The following RAB27B variants were observed in gnomAD, a reference collection of about 807,000 sequenced individuals.
RAB27B encodes ras-related protein Rab-27B.
In RAB27B, 15 loss-of-function variants were observed where a neutral mutation model predicts 24.6. The ratio of observed to expected loss-of-function variants is 0.61; its 90% CI spans 0.41 to 0.94. RAB27B has a LOEUF of 0.94. Ranked by LOEUF, RAB27B falls within the 40% of genes least tolerant of loss-of-function variation. The probability of loss-of-function intolerance (pLI) is 0.00; values close to 1 mark genes in which losing one functional copy is unlikely to be tolerated. For synonymous variants in RAB27B, 105 were observed against 92.5 expected, an observed-to-expected ratio of 1.14 and a Z score of -0.78; for missense variants, 261 against 266.8, an observed-to-expected ratio of 0.98 and a Z score of 0.15.
intron 2 of RAB27B, among the ~76,000 whole-genome samples, chr18:54,725,762 T>G (rs1186189723): frequency 6.6e-6 from 1 of 151,462 alleles, no homozygotes. Context: ...CCCCCATGAT[T>G]AAATTATCTC....
chr18:54,833,823 G>A (rs77757497), intron 1 of RAB27B, among the ~76,000 whole-genome samples: 49 of 152,266 alleles, frequency 3.2e-4, no homozygotes, highest in African/African-American at 1.0e-3. Context: ...AGCTTGGAGC[G>A]TTCAAGAAAC....
intron 2 of RAB27B, among the ~76,000 whole-genome samples, chr18:54,812,569 A>ACT (rs1207483822): frequency 1.5e-4 from 22 of 150,744 alleles, no homozygotes; most frequent in African/African-American, 4.9e-4. Flanking sequence ...ACACACACAC[A>ACT]CACACACACA....
At chr18:54,776,793 G>T (rs1009366508) in intron 2 of RAB27B, among the ~76,000 whole-genome samples, 1 of 152,130 alleles carries the variant, frequency 6.6e-6, no homozygotes, top group South Asian at 2.1e-4. Context: ...GCATGGTCAG[G>T]CATGCCCGTA....
intron 2 of RAB27B, among the ~76,000 whole-genome samples, chr18:54,790,947 A>T (rs1909228349): frequency 6.6e-6 from 1 of 152,202 alleles, no homozygotes; most frequent in African/African-American, 2.4e-5. Context: ...GCTTTTTCTA[A>T]ATACAAATTT....
chr18:54,767,923 G>A (rs1908415192), intron 2 of RAB27B, among the ~76,000 whole-genome samples: 1 of 152,134 alleles, frequency 6.6e-6, no homozygotes, highest in Non-Finnish European at 1.5e-5. Flanking sequence ...TGTGTTGGAG[G>A]AGGTGGTGGG....
At chr18:54,743,670 T>C (rs1346462741) in intron 2 of RAB27B, among the ~76,000 whole-genome samples, 2 of 151,992 alleles carry the variant, frequency 1.3e-5, no homozygotes, top group Admixed American at 6.6e-5. Flanking sequence ...AGAAGGTAAA[T>C]ATGGCTAGAA....
Position 54,886,469 on chromosome 18 carries a change from T to C in RAB27B, c.344-1526T>C, listed in dbSNP as rs1598996694. Among the ~76,000 whole-genome samples the C allele has an allele frequency of 3.3e-5, 5 of 152,272 alleles. No homozygotes were observed. The South Asian group carries it at 1.0e-3, about 32-fold the overall frequency. On this transcript the variant is annotated intron_variant, in intron 4 of 5. Transcript: ENST00000262094. ...GTATATAATTCATGATTATATATAA[T>C]AATTATATAGAACCACTCTCGGTGT...
At chr18:54,728,903 C>CAAACAAAAA (rs1909634671) in intron 2 of RAB27B, among the ~76,000 whole-genome samples, 3 of 68,254 alleles carry the variant, frequency 4.4e-5, no homozygotes, top group African/African-American at 1.2e-4. Flanking sequence ...AAAAAAAACC[C>CAAACAAAAA]AAAAAAAAAA....
At chr18:54,827,778 G>C (rs1910523400), upstream of RAB27B, among the ~76,000 whole-genome samples, 1 of 152,186 alleles carries the variant, frequency 6.6e-6, no homozygotes, top group South Asian at 2.1e-4. Context: ...CTACCAGTCT[G>C]TAAATTAGGG....
At chr18:54,884,825 A>G (rs1598994936) in intron 4 of RAB27B, among the ~76,000 whole-genome samples, 1 of 152,120 alleles carries the variant, frequency 6.6e-6, no homozygotes, top group East Asian at 1.9e-4. Context: ...AATCGGCAGT[A>G]TTTTCTGAGG....
chr18:54,883,162 T>C (rs1912995489), intron 3 of RAB27B, among the ~76,000 whole-genome samples: 1 of 152,152 alleles, frequency 6.6e-6, no homozygotes, highest in Non-Finnish European at 1.5e-5. Context: ...TGTATGAAGT[T>C]GGAGATGCCT....
At chr18:54,837,738 T>C (rs887849892) in intron 1 of RAB27B, among the ~76,000 whole-genome samples, 1 of 152,140 alleles carries the variant, frequency 6.6e-6, no homozygotes, top group African/African-American at 2.4e-5. Flanking sequence ...ATTTAAGTTC[T>C]GGAAGGACTT....
chr18:54,785,397 C>T (rs1003646121), intron 2 of RAB27B, among the ~76,000 whole-genome samples: 25 of 149,420 alleles, frequency 1.7e-4, no homozygotes, highest in African/African-American at 5.6e-4. Context: ...CCACTGAACC[C>T]GGCCCTGGAT....
intron 1 of RAB27B, among the ~76,000 whole-genome samples, chr18:54,834,737 G>T: frequency 6.7e-6 from 1 of 149,786 alleles, no homozygotes; most frequent in East Asian, 1.9e-4. Context: ...AGAAACATAT[G>T]AACTCTATAA....
chr18:54,815,806 T>C (rs1910103362), intron 2 of RAB27B, among the ~76,000 whole-genome samples: 1 of 152,110 alleles, frequency 6.6e-6, no homozygotes, highest in African/African-American at 2.4e-5. Flanking sequence ...GTATTTTTAG[T>C]ATAGACGGGG....
chr18:54,819,093 G>A (rs1201132441), intron 2 of RAB27B, among the ~76,000 whole-genome samples: 2 of 150,126 alleles, frequency 1.3e-5, no homozygotes, highest in African/African-American at 4.9e-5. Flanking sequence ...GGAATTGTAT[G>A]GCCGTAGTAT....
chr18:54,824,184 A>G (rs1293953569), upstream of RAB27B, among the ~76,000 whole-genome samples: 1 of 152,164 alleles, frequency 6.6e-6, no homozygotes, highest in Non-Finnish European at 1.5e-5. Context: ...GGCATTCCCA[A>G]TATTTTTATT....
intron 2 of RAB27B, among the ~76,000 whole-genome samples, chr18:54,728,899 AAC>A (rs1909632487): frequency 2.2e-5 from 2 of 91,242 alleles, no homozygotes; most frequent in Non-Finnish European, 4.8e-5. Flanking sequence ...AAAAAAAAAA[AAC>A]CCAAAAAAAA....
intron 2 of RAB27B, among the ~76,000 whole-genome samples, chr18:54,746,528 A>G (rs997668149): frequency 6.6e-6 from 1 of 152,214 alleles, no homozygotes; most frequent in African/African-American, 2.4e-5. Context: ...ATGCTTGTAG[A>G]TATAAGAATC....
Sources: gnomAD v4.1 joint callset for allele counts (sites outside exome capture counted in the v4.1 genomes callset) on GRCh38, gnomAD v4.1.1 for gene constraint, MANE v1.5 for transcripts, NCBI Gene and HGNC (gene_info 2026-07-23, HGNC 2026-07-21) for gene names.